Variants in PCDHGA2 observed in about 807,000 individuals in gnomAD.
PCDHGA2 encodes protocadherin gamma-A2.
A neutral mutation model predicts 59.2 loss-of-function variants in PCDHGA2; 40 were observed. The ratio of observed to expected loss-of-function variants is 0.68; its 90% confidence interval spans 0.52 to 0.88. The LOEUF (loss-of-function observed/expected upper bound fraction) is 0.88. Among genes scored for constraint, PCDHGA2 ranks in the 40% least tolerant of loss-of-function variants. PCDHGA2 has a pLI of 0.00. For synonymous variants in PCDHGA2, 560 were observed against 526.0 expected (o/e 1.06, Z -0.89); for missense variants, 1,226 against 1,204.0 (o/e 1.02, Z -0.27).
intron 1 of PCDHGA2, among the ~76,000 whole-genome samples, chr5:141,470,737 G>A (rs117064561): frequency 6.6e-6 from 1 of 152,016 alleles, no homozygotes; most frequent in African/African-American, 2.4e-5. Flanking sequence ...TTGCTCTGTC[G>A]CCCTGGCTGG....
chr5:141,371,239 T>A (rs1319098085), intron 1 of PCDHGA2: 2 of 1,614,010 alleles, frequency 1.2e-6, no homozygotes, highest in East Asian at 2.2e-5. Flanking sequence ...TATGCCTTCA[T>A]CAATATTGGC....
intron 1 of PCDHGA2, chr5:141,371,406 T>C: frequency 6.2e-7 from 1 of 1,613,960 alleles, no homozygotes; most frequent in Non-Finnish European, 8.5e-7. Flanking sequence ...GATAGATATT[T>C]CAGATGAAAA....
At chr5:141,459,885 C>A (rs1333668105) in intron 1 of PCDHGA2, among the ~76,000 whole-genome samples, 1 of 152,106 alleles carries the variant, frequency 6.6e-6, no homozygotes, top group East Asian at 1.9e-4. Flanking sequence ...CTGAGCTGAA[C>A]GCCTTCTTAA....
chr5:141,351,746 G>A, intron 1 of PCDHGA2: 2 of 1,613,680 alleles, frequency 1.2e-6, no homozygotes, highest in Non-Finnish European at 1.7e-6. Flanking sequence ...GGAGCCGCGG[G>A]AGCTGTTGTC....
chr5:141,375,476 A>G, intron 1 of PCDHGA2: 1 of 1,613,926 alleles, frequency 6.2e-7, no homozygotes, highest in Non-Finnish European at 8.5e-7. Context: ...CCTTGAAAAC[A>G]ACCCCAGGGG....
In PCDHGA2 at chr5:141,487,568, C is replaced by T. The variant is rs752378906; in HGVS notation, c.2425-7239C>T. Reference sequence around the variant, plus strand: ...ACCCAGTGCACCTATGGCAGGGGAGCCTGTTCGCCCAAGCTGCCCACCCTC... The same window carrying T: ...ACCCAGTGCACCTATGGCAGGGGAGTCTGTTCGCCCAAGCTGCCCACCCTC... On this transcript the variant is annotated intron_variant, in intron 1 of 3. Transcript: ENST00000394576. This position sits in a 1 kb window ranked among gnomAD's most constrained non-coding sequence, Gnocchi z 5.0. The T allele has an allele frequency of 1.2e-6, 2 of 1,614,180 alleles. No individual in the cohort carries two copies. The highest frequency in any genetic ancestry group is 1.7e-6 in the Non-Finnish European group (2 of 1,180,042).
chr5:141,510,853 CTGT>C, intron 3 of PCDHGA2, 91 bp from the exon 4 acceptor site: 3 of 1,601,238 alleles, frequency 1.9e-6, no homozygotes, highest in Middle Eastern at 1.7e-4. Context: ...GCCCAGGGTG[CTGT>C]ATAGGCATTC....
In PCDHGA2 at chr5:141,344,406, G is replaced by T. The variant is rs781733896; in HGVS notation, c.2424+3011G>T. Reference sequence around the variant, plus strand: ...TTTTGAAGTAGAAATAGAAATTAAAGATATTAATGATAATGCTCCTAATTT... The same window carrying T: ...TTTTGAAGTAGAAATAGAAATTAAATATATTAATGATAATGCTCCTAATTT... On this transcript the variant is annotated intron_variant, in intron 1 of 3. Coordinates refer to ENST00000394576, the MANE Select transcript of PCDHGA2 (RefSeq NM_018915.4). The T allele has an allele frequency of 1.9e-6, 3 of 1,611,194 alleles. No homozygotes were observed. In the South Asian group the frequency reaches 3.3e-5, roughly 18 times the overall value.
rs751563833 is a variant in PCDHGA2 at position 141,421,382 on chromosome 5, A to T, written c.2425-73425A>T. 5.6e-6 allele frequency: 9 copies of T among 1,613,906 alleles called. No homozygotes were observed. The South Asian group carries it at 8.8e-5, about 16-fold the overall frequency. ...TCCTTCGTGGGCAATATCTCCAAGG[A>T]CCTGGGGCTGGAGCCCCGGGAGCTG... On this transcript the variant is annotated intron_variant, in intron 1 of 3. Transcript: ENST00000394576.
chr5:141,353,958 T>G (rs1759426111), intron 1 of PCDHGA2, among the ~76,000 whole-genome samples: 2 of 152,250 alleles, frequency 1.3e-5, no homozygotes, highest in African/African-American at 4.8e-5. Flanking sequence ...AGGAATAAGC[T>G]TAAGAACTGA....
chr5:141,371,629 G>A (rs749054700), intron 1 of PCDHGA2: 6 of 1,613,866 alleles, frequency 3.7e-6, no homozygotes, highest in South Asian at 1.1e-5. Context: ...GCCCTGGACC[G>A]GGAGCAGATC....
chr5:141,454,010 G>A (rs998092071), intron 1 of PCDHGA2, among the ~76,000 whole-genome samples: 2 of 152,146 alleles, frequency 1.3e-5, no homozygotes, highest in African/African-American at 4.8e-5. Context: ...TAACATTTTA[G>A]AAAAATGTAT....
intron 1 of PCDHGA2, chr5:141,350,337 C>T (rs776161210): frequency 6.5e-7 from 1 of 1,540,822 alleles, no homozygotes; most frequent in South Asian, 1.3e-5. Flanking sequence ...TTCTGCGGGG[C>T]CATCTCCCAG....
chr5:141,472,856 C>T (rs1251907207), intron 1 of PCDHGA2, among the ~76,000 whole-genome samples: 5 of 150,296 alleles, frequency 3.3e-5, no homozygotes, highest in East Asian at 2.0e-4. Flanking sequence ...CATGGTGGCA[C>T]ATGCCTGTAT....
chr5:141,447,689 AG>A lies in PCDHGA2; in HGVS notation c.2425-47115del, dbSNP rs145694922. ...TTAGAACTGTTCCATATCTTGATAGAGGGATGGGTTATAAGGATGTACACAT... is the reference window on the plus strand; with the variant it reads ...TTAGAACTGTTCCATATCTTGATAGAGGATGGGTTATAAGGATGTACACAT... On this transcript the variant is annotated intron_variant, in intron 1 of 3. Coordinates refer to ENST00000394576, the MANE Select transcript of PCDHGA2 (RefSeq NM_018915.4). Among the ~76,000 whole-genome samples the A allele has an allele frequency of 4.6e-3, 694 of 152,302 alleles. 4 individuals are homozygous for A. The highest frequency in any genetic ancestry group is 0.015 in the African/African-American group (633 of 41,566).
chr5:141,354,500 G>A (rs976019279), intron 1 of PCDHGA2, among the ~76,000 whole-genome samples: 1 of 152,218 alleles, frequency 6.6e-6, no homozygotes, highest in Non-Finnish European at 1.5e-5. Context: ...CAGTAGGTGA[G>A]TTTTTTGCAA....
Position 141,491,573 on chromosome 5 carries a change from T to G in PCDHGA2, c.2425-3234T>G. The G allele has an allele frequency of 6.2e-7, 1 of 1,613,912 alleles. No individual in the cohort carries two copies. The highest frequency in any genetic ancestry group is 8.5e-7 in the Non-Finnish European group (1 of 1,180,030). The stretch of plus-strand genomic sequence containing the variant: ...CAGAGCCACTGCTACAGGACGTGCT[T>G]TTCACCGGCCTCGGACGGCAGTGAC... On this transcript the variant is annotated intron_variant, in intron 1 of 3. Transcript: ENST00000394576. The surrounding 1 kb of genome is among the most constrained non-coding windows in gnomAD (Gnocchi z 6.9).
Position 141,339,875 on chromosome 5 carries a change from A to G in PCDHGA2, c.904A>G (p.Thr302Ala), listed in dbSNP as rs1756885903. 6.2e-7 allele frequency: 1 copy of G among 1,614,172 alleles called. No homozygotes were observed. The highest frequency in any genetic ancestry group is 8.5e-7 in the Non-Finnish European group (1 of 1,180,006). The change falls in exon 1 of 4, where the codon ACA (threonine) becomes GCA (alanine). Residue 302 changes from threonine to alanine, a missense_variant. Thr to Ala is a moderately conservative substitution (Grantham distance 58). Coordinates refer to ENST00000394576, the MANE Select transcript of PCDHGA2 (RefSeq NM_018915.4). ...GCTTAAGTCAACATCTGGAGAACTG[A>G]CAATCATAAAAGATCTAGATTATGA... ...FELKSTSGEL[T>A]IIKDLDYEDA...
chr5:141,356,648 A>G (rs1328891530), intron 1 of PCDHGA2: 2 of 1,613,954 alleles, frequency 1.2e-6, no homozygotes, highest in East Asian at 2.2e-5. Context: ...GACAGTGGTG[A>G]CAATGCCCGA....
Sources: allele counts gnomAD v4.1 joint callset (sites outside exome capture counted in the v4.1 genomes callset), GRCh38; gene constraint gnomAD v4.1.1; non-coding constraint Gnocchi (gnomAD v3.1); transcripts MANE v1.5; gene names NCBI Gene and HGNC (gene_info 2026-07-23, HGNC 2026-07-21).